The following CYP26C1 variants were observed in gnomAD, a reference collection of about 807,000 sequenced individuals.
The protein encoded by CYP26C1 is cytochrome P450 26C1.
A neutral mutation model predicts 39.1 loss-of-function variants in CYP26C1; 41 were observed. The ratio of observed to expected loss-of-function variants is 1.05; its 90% confidence interval spans 0.82 to 1.36. The LOEUF is 1.36. Among genes scored for constraint, CYP26C1 ranks in the 40% most tolerant of loss-of-function variants. The pLI, the probability that CYP26C1 is intolerant of heterozygous loss-of-function variation, is 0.00. For missense variants in CYP26C1, 833 were observed against 752.0 expected, an observed-to-expected ratio of 1.11 and a Z score of -1.26; for synonymous variants, 362 against 350.8, an observed-to-expected ratio of 1.03 and a Z score of -0.36.
intron 3 of CYP26C1, chr10:93,063,685 A>G: frequency 6.1e-6 from 6 of 984,796 alleles, no homozygotes; most frequent in Non-Finnish European, 7.2e-6. Context: ...CACCGTGGAT[A>G]CGTTTTCTGA....
chr10:93,068,698 C>A lies in CYP26C1; in HGVS notation c.*1C>A. The A allele has an allele frequency of 6.5e-7, 1 of 1,531,090 alleles. No homozygotes were observed. 94.8% of individuals were successfully genotyped at this position (1,531,090 alleles called of 1,614,324 possible). Reference sequence around the variant, plus strand: ...TGCGGGGAATGGGCTATGCCTCTGACATGCTTGCGCTCTAGGACACGGCTT... The same window carrying A: ...TGCGGGGAATGGGCTATGCCTCTGAAATGCTTGCGCTCTAGGACACGGCTT... On this transcript the variant is annotated 3_prime_UTR_variant, in exon 6 of 6. Coordinates refer to ENST00000651965, the MANE Select transcript of CYP26C1 (RefSeq NM_183374.3).
chr10:93,061,915 C>T, intron 1 of CYP26C1, 95 bp from the exon 2 acceptor site: 4 of 1,275,704 alleles, frequency 3.1e-6, no homozygotes, highest in Non-Finnish European at 4.3e-6. Context: ...CAGCCAGGGA[C>T]AGGAAGTTGT....
In CYP26C1 at chr10:93,062,167, C is replaced by T. The variant is rs774507195; in HGVS notation, c.362C>T (p.Ala121Val). 2.5e-5 allele frequency: 38 copies of T among 1,539,202 alleles called. No individual in the cohort carries two copies. Among genetic ancestry groups the T allele is most frequent in the Non-Finnish European group, 3.2e-5 (37 of 1,146,622 alleles). Residue 121 changes from alanine to valine, a missense_variant, in exon 2 of 6, where the codon GCG (alanine) becomes GTG (valine). Ala to Val is a moderately conservative substitution (Grantham distance 64). Transcript: ENST00000651965. ...RLVRSQWPQS[A>V]HILLGSHTLL... ...GTGCGCAGCCAGTGGCCGCAGAGTG[C>T]GCACATCCTGCTGGGCTCGCACACA...
At chr10:93,063,177 T>C (rs1846775060) in intron 3 of CYP26C1, 182 bp downstream of exon 3, 4 of 1,372,562 alleles carry the variant, frequency 2.9e-6, no homozygotes, top group Middle Eastern at 2.5e-4. Context: ...GGGCCTGGCC[T>C]CTGTGCTGGT....
chr10:93,066,236 C>G lies in CYP26C1; in HGVS notation c.1142C>G (p.Pro381Arg). Residue 381 changes from proline to arginine, a missense_variant, in exon 5 of 6, where the codon CCG becomes CGG. By Grantham distance (103) the Pro-to-Arg change is moderately radical. Coordinates refer to ENST00000651965, the MANE Select transcript of CYP26C1 (RefSeq NM_183374.3). ...GTCAAGGAGGTGCTGCGCCTCCTGC[C>G]GCCAGTGTCCGGGGGCTACCGCACC... Reference protein sequence around the residue: ...CVVKEVLRLLPPVSGGYRTAL... With the variant: ...CVVKEVLRLLRPVSGGYRTAL... 6.8e-7 allele frequency: 1 copy of G among 1,472,072 alleles called. No individual in the cohort carries two copies. Among genetic ancestry groups the G allele is most frequent in the Non-Finnish European group, 9.0e-7 (1 of 1,114,332 alleles). The allele number at this position is 1,472,072 out of a possible 1,614,324, so 91.2% of individuals were successfully genotyped here. A position where few individuals can be genotyped will look rare whatever the true frequency, so the allele number is the denominator to read the frequency against.
chr10:93,066,385 C>A, intron 5 of CYP26C1, 100 bp downstream of exon 5: 2 of 1,135,484 alleles, frequency 1.8e-6, no homozygotes, highest in South Asian at 7.5e-5. Flanking sequence ...GGGAGGAGGG[C>A]GGAGGGATTC....
Position 93,064,678 on chromosome 10 carries a change from C to A in CYP26C1, c.861+142C>A, listed in dbSNP as rs901438976. Reference sequence around the variant, plus strand: ...CCTCAAGATGAGGGGCAAGAGGAGACCTGGGTTCCAGTAATGACTCAGCCA... The same window carrying A: ...CCTCAAGATGAGGGGCAAGAGGAGAACTGGGTTCCAGTAATGACTCAGCCA... On this transcript the variant is annotated intron_variant, in intron 4 of 5. Coordinates refer to ENST00000651965, the MANE Select transcript of CYP26C1 (RefSeq NM_183374.3). The A allele has an allele frequency of 2.8e-6, 4 of 1,432,540 alleles. No homozygotes were observed. In the Admixed American group the frequency reaches 1.1e-4, roughly 40 times the overall value. The allele number at this position is 1,432,540 out of a possible 1,614,324, so 88.7% of individuals were successfully genotyped here.
Position 93,062,848 on chromosome 10 carries a change from A to G in CYP26C1, c.558A>G (p.Lys186=), listed in dbSNP as rs1422606666. The change falls in exon 3 of 6, where the codon AAA becomes AAG. Residue 186 remains lysine (K), a synonymous_variant. Transcript: ENST00000651965. ...GGPVSVYDAS[K]ALTFRMAARI... ...CGGTCTCAGTCTACGACGCCTCCAA[A>G]GCGCTCACCTTCCGCATGGCCGCGC... The G allele has an allele frequency of 4.4e-6, 7 of 1,596,468 alleles. No individual in the cohort carries two copies. Among genetic ancestry groups the G allele is most frequent in the African/African-American group, 1.3e-5 (1 of 74,522 alleles).
rs1846772762 is a variant in CYP26C1, at chr10:93,063,009, G to A, written c.705+14G>A. The stretch of plus-strand genomic sequence containing the variant: ...GGCCTACGCAAGGTACGGCCGCCCC[G>A]GCTCCAGACCTTCCTCCGAGGCTCC... On this transcript the variant is annotated intron_variant, in intron 3 of 5. Coordinates refer to ENST00000651965, the MANE Select transcript of CYP26C1 (RefSeq NM_183374.3). 1 of 1,539,382 alleles carries A rather than the reference G, an allele frequency of 6.5e-7. No individual in the cohort carries two copies. The highest frequency in any genetic ancestry group is 8.7e-7 in the Non-Finnish European group (1 of 1,144,586).
intron 4 of CYP26C1, among the ~76,000 whole-genome samples, chr10:93,065,690 C>A (rs1282288826): frequency 6.6e-6 from 1 of 152,254 alleles, no homozygotes; most frequent in South Asian, 2.1e-4. Context: ...AGAGTAAGTT[C>A]CCGCATTCTC....
At position 93,063,265 on chromosome 10, in the gene CYP26C1, G is replaced by A. The variant is rs948197461; in HGVS notation, c.705+270G>A. 15 of 1,202,442 alleles carry A rather than the reference G, an allele frequency of 1.2e-5. No individual in the cohort carries two copies. In the African/African-American group the frequency reaches 2.2e-4, roughly 18 times the overall value. 74.5% of individuals were successfully genotyped at this position (1,202,442 alleles called of 1,614,324 possible). ...GCGACGCGCTCCAGCCTGAGCAAGCGCGGGCCGCCAGAGTTTGGGGTCTCG... is the reference window on the plus strand; with the variant it reads ...GCGACGCGCTCCAGCCTGAGCAAGCACGGGCCGCCAGAGTTTGGGGTCTCG... On this transcript the variant is annotated intron_variant, in intron 3 of 5. Coordinates refer to ENST00000651965, the MANE Select transcript of CYP26C1 (RefSeq NM_183374.3).
At chr10:93,064,110 G>A (rs1846786331) in intron 3 of CYP26C1, 2 of 1,216,536 alleles carry the variant, frequency 1.6e-6, no homozygotes, top group South Asian at 2.0e-5. Context: ...TGACCTCTCT[G>A]AACTTCAGCA....
rs1846797955 is a variant in CYP26C1, at chr10:93,064,503, G to A, written c.828G>A (p.Glu276=). The part of the protein sequence containing the change: ...ALDLIIHSAR[E]LGHEPSMQEL... ...ACCTAATCATTCACAGTGCAAGGGA[G>A]CTGGGCCATGAGCCCTCCATGCAGG... The change falls in exon 4 of 6, where the codon GAG becomes GAA. Residue 276 remains glutamate (E), a synonymous_variant. Coordinates refer to ENST00000651965, the MANE Select transcript of CYP26C1 (RefSeq NM_183374.3). 8.1e-6 allele frequency: 13 copies of A among 1,613,748 alleles called. No homozygotes were observed. Among genetic ancestry groups the A allele is most frequent in the African/African-American group, 1.3e-5 (1 of 74,934 alleles).
Position 93,068,310 on chromosome 10 carries a change from C to T in CYP26C1, c.1192-10C>T. On this transcript the variant is annotated splice_polypyrimidine_tract_variant and intron_variant, in intron 5 of 5. Coordinates refer to ENST00000651965, the MANE Select transcript of CYP26C1 (RefSeq NM_183374.3). ...CTCGTGGTCAGGCTGATCTCCTCGC[C>T]TCTCTGCAGGGCTACCAGATCCCCA... 6.7e-7 allele frequency: 1 copy of T among 1,499,002 alleles called. No individual in the cohort carries two copies. Among genetic ancestry groups the T allele is most frequent in the South Asian group, 1.4e-5 (1 of 72,726 alleles). 92.9% of individuals were successfully genotyped at this position (1,499,002 alleles called of 1,614,324 possible). A position where few individuals can be genotyped will look rare whatever the true frequency, so the allele number is the denominator to read the frequency against.
Position 93,068,519 on chromosome 10 carries a change from T to C in CYP26C1, c.1391T>C (p.Leu464Pro), listed in dbSNP as rs1208601757. The C allele has an allele frequency of 1.2e-6, 2 of 1,604,240 alleles. No individual in the cohort carries two copies. The highest frequency in any genetic ancestry group is 2.2e-5 in the South Asian group (2 of 90,002). Residue 464 changes from leucine to proline, a missense_variant, in exon 6 of 6, where the codon CTG becomes CCG. Transcript: ENST00000651965. ...GCGCGCAGCTGCCTCGGCCAGGAGC[T>C]GGCGCAAGCCGTGCTCCAGCTGCTA... ...GGARSCLGQE[L>P]AQAVLQLLAV... is the part of the protein sequence containing the mutation.
At chr10:93,068,229 C>A in intron 5 of CYP26C1, 91 bp from the exon 6 acceptor site, 1 of 1,405,060 alleles carries the variant, frequency 7.1e-7, no homozygotes. Context: ...TTTTCGGAAG[C>A]CTGATGGAAG....
chr10:93,067,128 C>T (rs184274898), intron 5 of CYP26C1, among the ~76,000 whole-genome samples: 8 of 152,364 alleles, frequency 5.3e-5, no homozygotes, highest in South Asian at 2.1e-4. Context: ...TGGCACATTG[C>T]GTGCCAGGGT....
Position 93,065,938 on chromosome 10 carries a change from C to A in CYP26C1, c.862-18C>A. The A allele has an allele frequency of 1.3e-6, 2 of 1,558,884 alleles. No homozygotes were observed. Among genetic ancestry groups the A allele is most frequent in the Non-Finnish European group, 8.7e-7 (1 of 1,155,200 alleles). ...CTCCACCGCCCGAGACTCAGTGCAG[C>A]CCGGGGCTGTCTTGCAGGAGTCGGC... On this transcript the variant is annotated intron_variant, in intron 4 of 5. Coordinates refer to ENST00000651965, the MANE Select transcript of CYP26C1 (RefSeq NM_183374.3).
chr10:93,061,590 C>A, intron 1 of CYP26C1, 123 bp downstream of exon 1: 1 of 1,251,738 alleles, frequency 8.0e-7, no homozygotes, highest in Non-Finnish European at 1.1e-6. Context: ...CCCACGACCC[C>A]GGGAAGCGCG....
Sources: allele counts gnomAD v4.1 joint callset (sites outside exome capture counted in the v4.1 genomes callset), GRCh38; gene constraint gnomAD v4.1.1; transcripts MANE v1.5; gene names NCBI Gene and HGNC (gene_info 2026-07-23, HGNC 2026-07-21).